MARCHF8: variants seen among roughly 807,000 people sequenced by gnomAD.
The protein encoded by MARCHF8 is E3 ubiquitin-protein ligase MARCHF8.
A neutral mutation model predicts 51.6 loss-of-function variants in MARCHF8; 40 were observed. The ratio of observed to expected loss-of-function variants is 0.77; its 90% CI spans 0.60 to 1.01. The LOEUF is 1.01. MARCHF8 is among the 50% of genes least tolerant of loss of function. The pLI, the probability that MARCHF8 is intolerant of heterozygous loss-of-function variation, is 0.00. For synonymous variants in MARCHF8, 263 were observed against 280.3 expected (o/e 0.94, Z 0.62); for missense variants, 685 against 708.6 (o/e 0.97, Z 0.38).
At chr10:45,511,675 G>A (rs2043509560) in intron 2 of MARCHF8, among the ~76,000 whole-genome samples, 1 of 152,260 alleles carries the variant, frequency 6.6e-6, no homozygotes, top group African/African-American at 2.4e-5. Flanking sequence ...CTCCCGAGGT[G>A]CTGGGATTGC....
At chr10:45,578,558 C>T (rs563918870) in intron 1 of MARCHF8, among the ~76,000 whole-genome samples, 45 of 152,208 alleles carry the variant, frequency 3.0e-4, no homozygotes, top group Admixed American at 1.6e-3. Context: ...CATCACTGGA[C>T]GCTAAAACTA....
intron 1 of MARCHF8, among the ~76,000 whole-genome samples, chr10:45,583,310 C>A (rs981563446): frequency 3.8e-4 from 58 of 152,248 alleles, no homozygotes; most frequent in Admixed American, 9.8e-4. Flanking sequence ...AACGGGACAA[C>A]CAATTGCCAC....
intron 2 of MARCHF8, among the ~76,000 whole-genome samples, chr10:45,512,632 C>G (rs1314590881): frequency 2.0e-5 from 3 of 150,956 alleles, no homozygotes; most frequent in African/African-American, 7.3e-5. Flanking sequence ...GGCCAGCCGC[C>G]CCGTCCGGGA....
intron 1 of MARCHF8, among the ~76,000 whole-genome samples, chr10:45,554,806 G>A (rs1463473583): frequency 6.6e-6 from 1 of 152,216 alleles, no homozygotes; most frequent in Non-Finnish European, 1.5e-5. Flanking sequence ...TGTAATCCCA[G>A]TACTTTGGAA....
Position 45,463,714 on chromosome 10 carries a change from C to T in MARCHF8, c.525G>A (p.Val175=), listed in dbSNP as rs1194183674. The part of the protein sequence containing the change: ...AQDTSESFAY[V]ERTCSEGKLI... ...ATTTCCCTTCAGAACAAGTTCTTTC[C>T]ACATAGGCAAAACTTTCTGAAGTAT... The change falls in exon 5 of 8, where the codon GTG becomes GTA. Residue 175 remains valine (V), a synonymous_variant. Coordinates refer to ENST00000453424, the MANE Select transcript of MARCHF8 (RefSeq NM_001282866.2). 1 of 1,550,938 alleles carries T rather than the reference C, an allele frequency of 6.4e-7. No individual in the cohort carries two copies. The highest frequency in any genetic ancestry group is 1.4e-5 in the African/African-American group (1 of 73,042).
intron 3 of MARCHF8, among the ~76,000 whole-genome samples, chr10:45,487,421 A>C (rs2043001469): frequency 6.6e-6 from 1 of 152,238 alleles, no homozygotes; most frequent in African/African-American, 2.4e-5. Flanking sequence ...GCAAGGCGAC[A>C]TACATGTGTT....
intron 1 of MARCHF8, among the ~76,000 whole-genome samples, chr10:45,541,564 TATA>T (rs1466417825): frequency 4.6e-5 from 7 of 152,022 alleles, no homozygotes; most frequent in Non-Finnish European, 1.0e-4. Context: ...AAACTTAAAG[TATA>T]ATAATAATAA....
chr10:45,488,126 C>T (rs1436159852), intron 3 of MARCHF8, among the ~76,000 whole-genome samples: 1 of 152,064 alleles, frequency 6.6e-6, no homozygotes, highest in African/African-American at 2.4e-5. Context: ...TCCTGGTGCG[C>T]TAAAAAGACC....
intron 1 of MARCHF8, among the ~76,000 whole-genome samples, chr10:45,580,003 CAAAAAAAAAA>C (rs34446338): frequency 4.2e-3 from 153 of 36,474 alleles, no homozygotes; most frequent in Admixed American, 8.9e-3. Flanking sequence ...ACTCCGTCTC[CAAAAAAAAAA>C]AAAAAAAAAA....
intron 1 of MARCHF8, among the ~76,000 whole-genome samples, chr10:45,577,498 T>C (rs1289637711): frequency 6.6e-6 from 1 of 152,128 alleles, no homozygotes; most frequent in Non-Finnish European, 1.5e-5. Flanking sequence ...TATATATACC[T>C]ACTATGTGCC....
chr10:45,538,412 C>A (rs554270620), upstream of MARCHF8, among the ~76,000 whole-genome samples: 1 of 152,172 alleles, frequency 6.6e-6, no homozygotes, highest in Non-Finnish European at 1.5e-5. Context: ...CATCAACTAA[C>A]GTGCAAAATA....
chr10:45,460,417 T>C lies in MARCHF8; in HGVS notation c.1269+814A>G, dbSNP rs371105739. Among the ~76,000 whole-genome samples, 3 of 152,356 alleles carry C rather than the reference T, an allele frequency of 2.0e-5. No individual in the cohort carries two copies. In the East Asian group the frequency reaches 5.8e-4, roughly 29 times the overall value. Reference sequence around the variant, plus strand: ...CCATCGCTCCACTTCCCCAGCACTCTAGCTCATAATGAGCATTTCCTTTTC... The same window carrying C: ...CCATCGCTCCACTTCCCCAGCACTCCAGCTCATAATGAGCATTTCCTTTTC... On this transcript the variant is annotated intron_variant, in intron 6 of 7. Transcript: ENST00000453424.
At chr10:45,491,683 T>C (rs1041164234) in intron 2 of MARCHF8, among the ~76,000 whole-genome samples, 4 of 152,240 alleles carry the variant, frequency 2.6e-5, no homozygotes, top group Non-Finnish European at 4.4e-5. Context: ...AATGTACTTA[T>C]AGGTAAACAC....
At chr10:45,490,072 A>G (rs911552896) in intron 2 of MARCHF8, among the ~76,000 whole-genome samples, 14 of 152,092 alleles carry the variant, frequency 9.2e-5, no homozygotes, top group Admixed American at 9.2e-4. Context: ...TTTCATTTTT[A>G]TTGACAATGC....
intron 3 of MARCHF8, among the ~76,000 whole-genome samples, chr10:45,487,880 T>C (rs1222304004): frequency 6.6e-6 from 1 of 152,050 alleles, no homozygotes; most frequent in Non-Finnish European, 1.5e-5. Flanking sequence ...AGACAGCAGA[T>C]AGACTTTGTC....
At chr10:45,581,228 T>C (rs548012801) in intron 1 of MARCHF8, among the ~76,000 whole-genome samples, 7 of 152,266 alleles carry the variant, frequency 4.6e-5, no homozygotes, top group African/African-American at 1.7e-4. Context: ...AGGCCAGGGA[T>C]GCTACTGAAC....
intron 1 of MARCHF8, among the ~76,000 whole-genome samples, chr10:45,586,423 G>A (rs975781382): frequency 3.9e-5 from 6 of 152,082 alleles, no homozygotes; most frequent in African/African-American, 1.4e-4. Flanking sequence ...CAGACTTGTT[G>A]AAAGATTATA....
intron 2 of MARCHF8, among the ~76,000 whole-genome samples, chr10:45,508,953 T>A (rs995748134): frequency 4.6e-5 from 7 of 152,216 alleles, no homozygotes; most frequent in Non-Finnish European, 7.3e-5. Context: ...CAGTAAAAAA[T>A]TAACTGCAGC....
intron 1 of MARCHF8, among the ~76,000 whole-genome samples, chr10:45,563,427 T>C (rs1161378473): frequency 2.0e-5 from 3 of 152,150 alleles, no homozygotes; most frequent in Non-Finnish European, 4.4e-5. Flanking sequence ...CCTCTGTATA[T>C]ATGAGAGATG....
Sources: allele counts gnomAD v4.1 joint callset (sites outside exome capture counted in the v4.1 genomes callset), GRCh38; gene constraint gnomAD v4.1.1; transcripts MANE v1.5; gene names NCBI Gene and HGNC (gene_info 2026-07-23, HGNC 2026-07-21).